RASA1: variants seen among roughly 807,000 people sequenced by gnomAD.
The protein encoded by RASA1 is ras GTPase-activating protein 1.
Under a neutral mutation model 132.2 loss-of-function variants are expected in RASA1, and 25 were observed. That is an observed-to-expected ratio of 0.19 (90% CI 0.14 to 0.26). RASA1 has a LOEUF of 0.26. Among genes scored for constraint, RASA1 ranks in the 10% least tolerant of loss-of-function variants. The probability of loss-of-function intolerance (pLI) is 1.00; values close to 1 mark genes in which losing one functional copy is unlikely to be tolerated. For missense variants in RASA1, 964 were observed against 1,299.2 expected (o/e 0.74, Z 3.97); for synonymous variants, 477 against 449.9 (o/e 1.06, Z -0.76).
At chr5:87,346,118 GC>G (rs1758842565) in intron 6 of RASA1, among the ~76,000 whole-genome samples, 1 of 151,944 alleles carries the variant, frequency 6.6e-6, no homozygotes, top group South Asian at 2.1e-4. Context: ...AGTTTGATAG[GC>G]TGTTAGCTCA....
chr5:87,339,136 T>A (rs1354058439), intron 5 of RASA1, among the ~76,000 whole-genome samples: 1 of 152,200 alleles, frequency 6.6e-6, no homozygotes, highest in African/African-American at 2.4e-5. Flanking sequence ...GATAATATTC[T>A]GAAGAGTATT....
chr5:87,287,414 A>G (rs1330909519), intron 1 of RASA1, among the ~76,000 whole-genome samples: 1 of 148,134 alleles, frequency 6.8e-6, no homozygotes, highest in Non-Finnish European at 1.5e-5. Flanking sequence ...CACACCATAT[A>G]TACACCATAT....
intron 1 of RASA1, among the ~76,000 whole-genome samples, chr5:87,306,755 T>C (rs1327830611): frequency 3.3e-5 from 5 of 152,160 alleles, no homozygotes; most frequent in African/African-American, 1.2e-4. Context: ...ACATTTTTCA[T>C]TGAGTTTGGA....
At chr5:87,280,779 C>T (rs1754282179) in intron 1 of RASA1, among the ~76,000 whole-genome samples, 1 of 151,752 alleles carries the variant, frequency 6.6e-6, no homozygotes, top group Non-Finnish European at 1.5e-5. Flanking sequence ...TTTTTTGAGA[C>T]AGAGTCTCAC....
At chr5:87,269,164 T>C in intron 1 of RASA1, 174 bp downstream of exon 1, 1 of 1,612,276 alleles carries the variant, frequency 6.2e-7, no homozygotes, top group East Asian at 2.2e-5. Context: ...CTTACAGGCA[T>C]ACTACCTGGC....
intron 1 of RASA1, among the ~76,000 whole-genome samples, chr5:87,283,754 A>T (rs1258313884): frequency 6.6e-6 from 1 of 152,132 alleles, no homozygotes. Context: ...AGTCTATTTA[A>T]CTACTATGCT....
At position 87,362,598 on chromosome 5, in the gene RASA1, T is replaced by C. The variant is rs761191995; in HGVS notation, c.1380T>C (p.Tyr460=). ...LNDTVDGKEI[Y]NTIRRKTKDA... is the part of the protein sequence containing the mutation. The stretch of plus-strand genomic sequence containing the variant: ...ACACAGTGGATGGCAAGGAAATCTA[T>C]AATACCATCCGTCGTAAAACAAAGG... The change falls in exon 10 of 25, where the codon TAT becomes TAC. Residue 460 remains tyrosine (Y), a synonymous_variant. Transcript: ENST00000274376. 2 of 1,596,640 alleles carry C rather than the reference T, an allele frequency of 1.3e-6. No homozygotes were observed. The highest frequency in any genetic ancestry group is 1.7e-6 in the Non-Finnish European group (2 of 1,164,206).
At chr5:87,278,843 T>C (rs756244595) in intron 1 of RASA1, among the ~76,000 whole-genome samples, 13 of 151,816 alleles carry the variant, frequency 8.6e-5, no homozygotes, top group Non-Finnish European at 1.9e-4. Context: ...GAATCTCTCA[T>C]GCTGTGTTTT....
chr5:87,277,049 ATT>A (rs2112238302), intron 1 of RASA1, among the ~76,000 whole-genome samples: 2 of 152,232 alleles, frequency 1.3e-5, no homozygotes, highest in African/African-American at 4.8e-5. Context: ...AAGGCTCAGT[ATT>A]TGCTAATCAT....
rs745572583 is a variant in RASA1, at chr5:87,268,722, ACTGCTGCTGGCGTAGCTGGTG to A, written c.285_305del (p.Ala100_Ala106del). The A allele has an allele frequency of 3.3e-5, 54 of 1,612,624 alleles. No homozygotes were observed. Among genetic ancestry groups the A allele is most frequent in the Middle Eastern group, 1.7e-4 (1 of 5,990 alleles). Reference sequence around the variant, plus strand: ...GGGAGCTGGACTGACAGGGGGAGGTACTGCTGCTGGCGTAGCTGGTGCTGCTGCTGGCGTGGCCGGTGCTGC... The same window carrying A: ...GGGAGCTGGACTGACAGGGGGAGGTACTGCTGCTGGCGTGGCCGGTGCTGC... On this transcript the variant is annotated inframe_deletion, in exon 1 of 25. Transcript: ENST00000274376.
In RASA1 at chr5:87,331,549, A is replaced by G. The variant is rs200007905; in HGVS notation, c.692+49A>G. 199 of 1,574,100 alleles carry G rather than the reference A, an allele frequency of 1.3e-4. 1 individual carries two copies. The highest frequency in any genetic ancestry group is 1.5e-4 in the Non-Finnish European group (172 of 1,145,304). On this transcript the variant is annotated intron_variant, in intron 2 of 24. Coordinates refer to ENST00000274376, the MANE Select transcript of RASA1 (RefSeq NM_002890.3). ...AGCCAAATGATGTAGCTATTTTGAT[A>G]TAATATTCATAAATATACCTGTATA...
chr5:87,268,923 T>C lies in RASA1; in HGVS notation c.472T>C (p.Ser158Pro), dbSNP rs780636400. 1.9e-5 allele frequency: 30 copies of C among 1,614,006 alleles called. No homozygotes were observed. The highest frequency in any genetic ancestry group is 2.5e-5 in the Non-Finnish European group (29 of 1,180,016). ...AGLGTVDEGD[S>P]LDGPEYEEEE... Reference sequence around the variant, plus strand: ...CCTCGGGACAGTGGACGAAGGTGACTCTCTGGATGGACCAGAATACGAGGA... The same window carrying C: ...CCTCGGGACAGTGGACGAAGGTGACCCTCTGGATGGACCAGAATACGAGGA... The change falls in exon 1 of 25, where the codon TCT (serine) becomes CCT (proline). Residue 158 changes from serine to proline, a missense_variant. By Grantham distance (74) the Ser-to-Pro change is moderately conservative (BLOSUM62 -1). Transcript: ENST00000274376.
chr5:87,302,443 T>A (rs138938822), intron 1 of RASA1, among the ~76,000 whole-genome samples: 1 of 151,908 alleles, frequency 6.6e-6, no homozygotes, highest in Admixed American at 6.6e-5. Context: ...TTCTCTGTCT[T>A]GGCTATGAGT....
At chr5:87,376,809 T>C in intron 16 of RASA1, 72 bp from the exon 17 acceptor site, 1 of 1,443,284 alleles carries the variant, frequency 6.9e-7, no homozygotes, top group Non-Finnish European at 9.7e-7. Context: ...AAAGAACATA[T>C]TTCTTGTTAG....
chr5:87,388,813 T>A (rs1361062452), intron 23 of RASA1, among the ~76,000 whole-genome samples: 3 of 152,204 alleles, frequency 2.0e-5, no homozygotes, highest in Non-Finnish European at 4.4e-5. Context: ...AAATTTCATC[T>A]AGGAATTTTA....
chr5:87,269,329 G>T, intron 1 of RASA1: 1 of 1,532,032 alleles, frequency 6.5e-7, no homozygotes, highest in Non-Finnish European at 8.7e-7. Context: ...TACCAAGGCA[G>T]TCATAGTGTA....
chr5:87,374,145 A>T lies in RASA1; in HGVS notation c.1777-18A>T, dbSNP rs779403478. On this transcript the variant is annotated intron_variant, in intron 13 of 24. Transcript: ENST00000274376. ...GAAATCTGGGGTAATATATATATAT[A>T]TATTTTTTTTTTTTTAGGTCAGCAG... 1.5e-5 allele frequency: 20 copies of T among 1,348,458 alleles called. No individual in the cohort carries two copies. Among genetic ancestry groups the T allele is most frequent in the Admixed American group, 5.5e-5 (2 of 36,454 alleles). The allele number at this position is 1,348,458 out of a possible 1,614,324, so 83.5% of individuals were successfully genotyped here. A position where few individuals can be genotyped will look rare whatever the true frequency, so the allele number is the denominator to read the frequency against.
At chr5:87,287,100 C>CAT (rs763227804) in intron 1 of RASA1, among the ~76,000 whole-genome samples, 3 of 137,572 alleles carry the variant, frequency 2.2e-5, no homozygotes, top group Non-Finnish European at 4.7e-5. Context: ...ATATACACAC[C>CAT]ATATATATAC....
At chr5:87,390,197 A>G (rs1217226770) in intron 24 of RASA1, among the ~76,000 whole-genome samples, 2 of 152,240 alleles carry the variant, frequency 1.3e-5, no homozygotes, top group Non-Finnish European at 2.9e-5. Flanking sequence ...ATAGAACAAA[A>G]TGAGTTACAC....
Sources: gnomAD v4.1 joint callset for allele counts (sites outside exome capture counted in the v4.1 genomes callset) on GRCh38, gnomAD v4.1.1 for gene constraint, MANE v1.5 for transcripts, NCBI Gene and HGNC (gene_info 2026-07-23, HGNC 2026-07-21) for gene names.